The following PTPRT variants were observed in gnomAD, a reference collection of about 807,000 sequenced individuals.
PTPRT encodes receptor-type tyrosine-protein phosphatase T.
In PTPRT, 56 loss-of-function variants were observed where a neutral mutation model predicts 176.8. The ratio of observed to expected loss-of-function variants is 0.32; its 90% CI spans 0.26 to 0.40. The LOEUF (loss-of-function observed/expected upper bound fraction) is 0.40, where lower values mean the gene tolerates loss of function less well. PTPRT is among the 10% of genes least tolerant of loss of function. The pLI is 1.00. For synonymous variants in PTPRT, 783 were observed against 739.0 expected, an observed-to-expected ratio of 1.06 and a Z score of -0.96; for missense variants, 1,540 against 1,908.2, an observed-to-expected ratio of 0.81 and a Z score of 3.60.
intron 7 of PTPRT, among the ~76,000 whole-genome samples, chr20:42,487,512 T>C (rs977989714): frequency 6.6e-5 from 10 of 152,212 alleles, no homozygotes; most frequent in Non-Finnish European, 1.2e-4. Context: ...ATTAAGGATC[T>C]TGAACTGGGG....
At chr20:42,337,217 T>C (rs997822276) in intron 11 of PTPRT, among the ~76,000 whole-genome samples, 1 of 152,136 alleles carries the variant, frequency 6.6e-6, no homozygotes, top group Non-Finnish European at 1.5e-5. Flanking sequence ...CACCTGGAAG[T>C]CATTCCAAGC....
At chr20:43,029,225 T>C (rs1986038926) in intron 1 of PTPRT, among the ~76,000 whole-genome samples, 1 of 152,248 alleles carries the variant, frequency 6.6e-6, no homozygotes, top group South Asian at 2.1e-4. Flanking sequence ...TCACACTGTC[T>C]GGCCCTGACA....
chr20:43,141,396 G>T (rs2013997772), intron 1 of PTPRT, among the ~76,000 whole-genome samples: 1 of 152,164 alleles, frequency 6.6e-6, no homozygotes, highest in South Asian at 2.1e-4. Context: ...GTTATCAGCT[G>T]GGGTGACTGG....
chr20:42,043,026 G>C, the PTPRT span, among the ~76,000 whole-genome samples: 1 of 152,254 alleles, frequency 6.6e-6, no homozygotes, highest in South Asian at 2.1e-4. Context: ...GCACACAGGA[G>C]TCAGAATATG....
chr20:42,038,055 G>C, the PTPRT span, among the ~76,000 whole-genome samples: 1 of 152,272 alleles, frequency 6.6e-6, no homozygotes, highest in Non-Finnish European at 1.5e-5. Context: ...TCTCCTTTAA[G>C]AGTTAGTAGC....
At chr20:42,241,816 G>A (rs557133235) in intron 14 of PTPRT, among the ~76,000 whole-genome samples, 122 of 152,172 alleles carry the variant, frequency 8.0e-4, no homozygotes, top group Non-Finnish European at 1.0e-3. Flanking sequence ...TTGTTTGGGC[G>A]TTTGGGCTTT....
At chr20:43,055,378 C>T (rs1024388758) in intron 1 of PTPRT, among the ~76,000 whole-genome samples, 4 of 152,146 alleles carry the variant, frequency 2.6e-5, no homozygotes, top group Admixed American at 2.0e-4. Flanking sequence ...AGGAAAACGT[C>T]GAGGAAACAT....
At chr20:43,032,307 G>A (rs1000346007) in intron 1 of PTPRT, among the ~76,000 whole-genome samples, 2 of 151,838 alleles carry the variant, frequency 1.3e-5, no homozygotes, top group African/African-American at 2.4e-5. Context: ...GGCTATAGTG[G>A]GTAACATATT....
Position 42,759,471 on chromosome 20 carries a change from C to G in PTPRT, c.685-2835G>C, listed in dbSNP as rs557549525. 1.1e-4 allele frequency among the ~76,000 whole-genome samples: 17 copies of G among 152,288 alleles called. No individual in the cohort carries two copies. The East Asian group carries it at 1.7e-3, about 16-fold the overall frequency. ...ACGAGGTCAGGAGATTGAGATCATC[C>G]TGGCTAATACGGTGAAACCCAGAAA... On this transcript the variant is annotated intron_variant, in intron 5 of 30. Coordinates refer to ENST00000373187, the MANE Select transcript of PTPRT (RefSeq NM_007050.6).
chr20:42,177,908 C>G (rs1057363401), intron 16 of PTPRT, among the ~76,000 whole-genome samples: 2 of 149,724 alleles, frequency 1.3e-5, no homozygotes, highest in African/African-American at 4.9e-5. Flanking sequence ...CTTTCTCTCT[C>G]TCTTTCTCTC....
At chr20:42,140,818 G>T (rs1333543065) in intron 18 of PTPRT, among the ~76,000 whole-genome samples, 1 of 152,174 alleles carries the variant, frequency 6.6e-6, no homozygotes, top group African/African-American at 2.4e-5. Flanking sequence ...ATAGATCCAT[G>T]CTGCTCACCA....
rs1447585432 is a variant in PTPRT at position 42,073,176 on chromosome 20, C to G, written c.*7703G>C. 1 of 194,934 alleles carries G rather than the reference C, an allele frequency of 5.1e-6. No homozygotes were observed. Among genetic ancestry groups the G allele is most frequent in the East Asian group, 8.0e-5 (1 of 12,442 alleles). 12.1% of individuals were successfully genotyped at this position (194,934 alleles called of 1,614,324 possible). ...GCCCAGTGGATGTGAAGATGTCAGC[C>G]TCCCTGGAGTTGAGCGGGAACCTTG... On this transcript the variant is annotated 3_prime_UTR_variant, in exon 31 of 31. Coordinates refer to ENST00000373187, the MANE Select transcript of PTPRT (RefSeq NM_007050.6).
chr20:42,718,858 A>G (rs1271917283), intron 6 of PTPRT, among the ~76,000 whole-genome samples: 2 of 152,206 alleles, frequency 1.3e-5, no homozygotes, highest in African/African-American at 4.8e-5. Flanking sequence ...GTTTATCCAC[A>G]CACACACCAA....
chr20:42,238,104 C>T (rs148986344), intron 14 of PTPRT, among the ~76,000 whole-genome samples: 247 of 152,284 alleles, frequency 1.6e-3, no homozygotes, highest in African/African-American at 5.9e-3. Flanking sequence ...GGCACCATTA[C>T]CCTCGTTTTA....
At chr20:42,926,633 C>T (rs1263742390) in intron 1 of PTPRT, among the ~76,000 whole-genome samples, 2 of 152,168 alleles carry the variant, frequency 1.3e-5, no homozygotes, top group Non-Finnish European at 2.9e-5. Context: ...GAGCCACACA[C>T]GTTCCAGGGT....
At chr20:42,771,617 G>T in intron 4 of PTPRT, 67 bp from the exon 5 acceptor site, 6 of 1,328,456 alleles carry the variant, frequency 4.5e-6, no homozygotes, top group Non-Finnish European at 6.5e-6. Flanking sequence ...CCTATTGGTG[G>T]ATGGCAGCTC....
At chr20:42,606,363 A>G (rs2073877459) in intron 7 of PTPRT, among the ~76,000 whole-genome samples, 1 of 152,210 alleles carries the variant, frequency 6.6e-6, no homozygotes, top group Non-Finnish European at 1.5e-5. Flanking sequence ...GAATGAGAAC[A>G]GAAAAAGTAT....
At chr20:42,232,567 G>A (rs1386915078) in intron 15 of PTPRT, among the ~76,000 whole-genome samples, 1 of 151,894 alleles carries the variant, frequency 6.6e-6, no homozygotes, top group Non-Finnish European at 1.5e-5. Flanking sequence ...TTTCCTTTCT[G>A]TTTCCTCTTC....
At chr20:42,585,056 A>G (rs1332889779) in intron 7 of PTPRT, among the ~76,000 whole-genome samples, 1 of 152,174 alleles carries the variant, frequency 6.6e-6, no homozygotes, top group Non-Finnish European at 1.5e-5. Flanking sequence ...AAGTCACTCA[A>G]AAATATTTGC....
Sources: gnomAD v4.1 joint callset for allele counts (sites outside exome capture counted in the v4.1 genomes callset) on GRCh38, gnomAD v4.1.1 for gene constraint, MANE v1.5 for transcripts, NCBI Gene and HGNC (gene_info 2026-07-23, HGNC 2026-07-21) for gene names.